The following CPEB3 variants were observed in gnomAD, a reference collection of about 807,000 sequenced individuals.
The protein encoded by CPEB3 is cytoplasmic polyadenylation element binding protein 3, also known as cytoplasmic polyadenylation element-binding protein 3.
A neutral mutation model predicts 67.2 loss-of-function variants in CPEB3; 20 were observed. The observed-to-expected ratio is 0.30, with a 90% CI of 0.21 to 0.43. CPEB3 has a LOEUF of 0.43. Ranked by LOEUF, CPEB3 falls within the 20% of genes least tolerant of loss-of-function variation. The pLI, the probability that CPEB3 is intolerant of heterozygous loss-of-function variation, is 1.00. For synonymous variants in CPEB3, 376 were observed against 393.1 expected, an observed-to-expected ratio of 0.96 and a Z score of 0.51; for missense variants, 746 against 968.6, an observed-to-expected ratio of 0.77 and a Z score of 3.05.
At chr10:92,145,986 T>C (rs1484553604) in intron 4 of CPEB3, among the ~76,000 whole-genome samples, 1 of 152,056 alleles carries the variant, frequency 6.6e-6, no homozygotes, top group Non-Finnish European at 1.5e-5. Context: ...ACATACGCAA[T>C]AATAAAGGAC....
At chr10:92,119,263 T>C (rs1255279357) in intron 6 of CPEB3, 7 of 1,565,660 alleles carry the variant, frequency 4.5e-6, no homozygotes, top group African/African-American at 1.4e-5. Context: ...GTTCTCCTTA[T>C]TTGTTTAGAT....
At chr10:92,276,100 G>A (rs570637630) in intron 1 of CPEB3, among the ~76,000 whole-genome samples, 1 of 151,382 alleles carries the variant, frequency 6.6e-6, no homozygotes, top group African/African-American at 2.4e-5. Context: ...CACCCGCCTC[G>A]ACCTCCCAAA....
chr10:92,137,439 C>A, intron 6 of CPEB3: 1 of 1,187,184 alleles, frequency 8.4e-7, no homozygotes, highest in Non-Finnish European at 1.2e-6. Flanking sequence ...AGGACTCAAT[C>A]TATGACATAT....
chr10:92,280,753 CTTTT>C (rs948586177), intron 1 of CPEB3, among the ~76,000 whole-genome samples: 7 of 91,674 alleles, frequency 7.6e-5, no homozygotes, highest in South Asian at 7.4e-4. Flanking sequence ...AGCATCTATT[CTTTT>C]TTTTTTTTTT....
chr10:92,207,674 A>G (rs973374360), intron 2 of CPEB3, among the ~76,000 whole-genome samples: 3 of 152,182 alleles, frequency 2.0e-5, no homozygotes, highest in African/African-American at 7.2e-5. Context: ...GATCCAGACC[A>G]CTCTGGCCAA....
rs148736953 is a variant in CPEB3 at position 92,276,163 on chromosome 10, T to A, written c.-12+14763A>T. Among the ~76,000 whole-genome samples, 17 of 152,092 alleles carry A rather than the reference T, an allele frequency of 1.1e-4. No individual in the cohort carries two copies. In the East Asian group the frequency reaches 3.3e-3, roughly 30 times the overall value. On this transcript the variant is annotated intron_variant, in intron 1 of 9. Coordinates refer to ENST00000265997, the MANE Select transcript of CPEB3 (RefSeq NM_014912.5). The stretch of plus-strand genomic sequence containing the variant: ...ACGCCCGGCATTTCATTCTTTTTCA[T>A]TATCAAATATTCCGTTGTATGGACA...
intron 1 of CPEB3, among the ~76,000 whole-genome samples, chr10:92,290,649 C>G (rs1219076907): frequency 1.3e-5 from 2 of 152,144 alleles, no homozygotes; most frequent in African/African-American, 4.8e-5. Flanking sequence ...TTTGCCCGCC[C>G]CCTCAAGAAG....
intron 4 of CPEB3, among the ~76,000 whole-genome samples, chr10:92,175,552 A>G (rs1483878911): frequency 2.6e-5 from 4 of 152,146 alleles, no homozygotes; most frequent in Non-Finnish European, 5.9e-5. Flanking sequence ...TTATTAATAC[A>G]TTCCAAACAG....
intron 8 of CPEB3, among the ~76,000 whole-genome samples, chr10:92,087,813 A>G (rs1478231328): frequency 6.6e-6 from 1 of 152,198 alleles, no homozygotes; most frequent in Non-Finnish European, 1.5e-5. Context: ...GATTCACATT[A>G]CGTGAATGAA....
At chr10:92,287,178 G>C (rs538873107) in intron 1 of CPEB3, among the ~76,000 whole-genome samples, 10 of 151,658 alleles carry the variant, frequency 6.6e-5, no homozygotes, top group Admixed American at 3.9e-4. Flanking sequence ...TGCCAGGCTG[G>C]AGTGCAGTGG....
chr10:92,118,978 G>C (rs1270144776), intron 6 of CPEB3: 2 of 1,493,388 alleles, frequency 1.3e-6, no homozygotes, highest in African/African-American at 1.4e-5. Context: ...CCCTGTGTCT[G>C]GGGCCAGCAC....
intron 1 of CPEB3, among the ~76,000 whole-genome samples, chr10:92,279,528 G>A (rs934372203): frequency 1.4e-4 from 21 of 151,898 alleles, no homozygotes; most frequent in African/African-American, 5.1e-4. Context: ...CATACTTCAC[G>A]TTCATTGTCA....
intron 6 of CPEB3, chr10:92,137,430 G>A (rs923356017): frequency 2.6e-6 from 3 of 1,171,312 alleles, no homozygotes; most frequent in African/African-American, 1.6e-5. Flanking sequence ...ATGGATTCAA[G>A]GACTCAATCT....
chr10:92,091,760 T>A, intron 8 of CPEB3, 70 bp downstream of exon 8: 1 of 915,358 alleles, frequency 1.1e-6, no homozygotes, highest in East Asian at 2.5e-5. Context: ...TAGAAAATAT[T>A]TAAGACTAAA....
intron 9 of CPEB3, among the ~76,000 whole-genome samples, chr10:92,079,017 C>T (rs1167218002): frequency 6.6e-6 from 1 of 152,080 alleles, no homozygotes. Context: ...TTATTATTTC[C>T]AGGACCTACT....
At chr10:92,136,648 C>T (rs980983153) in intron 6 of CPEB3, among the ~76,000 whole-genome samples, 5 of 152,076 alleles carry the variant, frequency 3.3e-5, no homozygotes, top group Middle Eastern at 3.4e-3. Context: ...GTAAACTCTG[C>T]CCCCCAGATT....
At chr10:92,234,590 G>A (rs1168233559) in intron 2 of CPEB3, among the ~76,000 whole-genome samples, 2 of 152,160 alleles carry the variant, frequency 1.3e-5, no homozygotes, top group Non-Finnish European at 2.9e-5. Context: ...GTGATCTTAA[G>A]CAAACAGTGT....
At chr10:92,122,446 T>C (rs913544327) in intron 6 of CPEB3, among the ~76,000 whole-genome samples, 1 of 152,228 alleles carries the variant, frequency 6.6e-6, no homozygotes, top group African/African-American at 2.4e-5. Context: ...GCACTCACTG[T>C]AGGTCTCTGA....
intron 8 of CPEB3, among the ~76,000 whole-genome samples, chr10:92,082,372 C>T (rs559773134): frequency 2.2e-4 from 33 of 152,120 alleles, no homozygotes; most frequent in African/African-American, 8.0e-4. Flanking sequence ...ACAACCTCCC[C>T]GGTTCAAGTG....
Sources: gnomAD v4.1 joint callset for allele counts (sites outside exome capture counted in the v4.1 genomes callset) on GRCh38, gnomAD v4.1.1 for gene constraint, MANE v1.5 for transcripts, NCBI Gene and HGNC (gene_info 2026-07-23, HGNC 2026-07-21) for gene names.